The following EMG1 variants were observed in gnomAD, a reference collection of about 807,000 sequenced individuals.
EMG1 encodes EMG1 N1-specific pseudouridine methyltransferase.
In EMG1, 24 loss-of-function variants were observed where a neutral mutation model predicts 26.9. The observed-to-expected ratio is 0.89, with a 90% CI of 0.65 to 1.26. The LOEUF (loss-of-function observed/expected upper bound fraction) is 1.26, where lower values mean the gene tolerates loss of function less well. Ranked by LOEUF, EMG1 falls within the 50% of genes most tolerant of loss-of-function variation. The pLI, the probability that EMG1 is intolerant of heterozygous loss-of-function variation, is 0.00. For synonymous variants in EMG1, 140 were observed against 112.6 expected, an observed-to-expected ratio of 1.24 and a Z score of -1.54; for missense variants, 299 against 307.6, an observed-to-expected ratio of 0.97 and a Z score of 0.21.
Position 6,975,925 on chromosome 12 carries a change from G to A in EMG1, c.*116G>A. ...CACTGAGACTGTGGAGTTTGGGGAA[G>A]CCAAGGCTGTACATTTGCTATTTGT... On this transcript the variant is annotated 3_prime_UTR_variant, in exon 6 of 6. Transcript: ENST00000599672. 4.3e-6 allele frequency: 3 copies of A among 693,940 alleles called. No homozygotes were observed. The highest frequency in any genetic ancestry group is 4.0e-4 in the Middle Eastern group (1 of 2,480). 43.0% of individuals were successfully genotyped at this position (693,940 alleles called of 1,614,324 possible).
chr12:6,992,814 C>T (rs1437846050), downstream of EMG1, among the ~76,000 whole-genome samples: 1 of 152,158 alleles, frequency 6.6e-6, no homozygotes, highest in Non-Finnish European at 1.5e-5. Context: ...CTAGTACTCG[C>T]AGCAGACACC....
At chr12:6,975,208 T>C in intron 4 of EMG1, 21 bp from the exon 5 acceptor site, 4 of 1,613,950 alleles carry the variant, frequency 2.5e-6, no homozygotes, top group Non-Finnish European at 2.5e-6. Flanking sequence ...GGGGCTGACT[T>C]TTCTCTCTTT....
At chr12:6,992,129 G>C (rs1390740665), downstream of EMG1, among the ~76,000 whole-genome samples, 1 of 152,002 alleles carries the variant, frequency 6.6e-6, no homozygotes, top group Non-Finnish European at 1.5e-5. Context: ...TATTTAGCCT[G>C]GGCGACAGAG....
chr12:6,984,106 G>A, downstream of EMG1, among the ~76,000 whole-genome samples: 1 of 152,148 alleles, frequency 6.6e-6, no homozygotes, highest in East Asian at 1.9e-4. Flanking sequence ...TTAATATCAG[G>A]CTAAATACTG....
In EMG1 at chr12:6,976,034, G is replaced by T. The variant is rs1946396161; in HGVS notation, c.*225G>T. 1 of 461,206 alleles carries T rather than the reference G, an allele frequency of 2.2e-6. No individual in the cohort carries two copies. The highest frequency in any genetic ancestry group is 3.5e-5 in the East Asian group (1 of 28,440). The allele number at this position is 461,206 out of a possible 1,614,324, so 28.6% of individuals were successfully genotyped here. A position where few individuals can be genotyped will look rare whatever the true frequency, so the allele number is the denominator to read the frequency against. ...GTGGTGTAAAACTGTTTGTTCCCCGGGACTTCAGGGACAGATAGGAGGTTA... is the reference window on the plus strand; with the variant it reads ...GTGGTGTAAAACTGTTTGTTCCCCGTGACTTCAGGGACAGATAGGAGGTTA... On this transcript the variant is annotated 3_prime_UTR_variant, in exon 6 of 6. Transcript: ENST00000599672.
Position 6,977,830 on chromosome 12 carries a change from T to C in EMG1, c.*2021T>C. The C allele has an allele frequency of 6.5e-7, 1 of 1,535,930 alleles. No homozygotes were observed. Among genetic ancestry groups the C allele is most frequent in the East Asian group, 2.2e-5 (1 of 44,486 alleles). The stretch of plus-strand genomic sequence containing the variant: ...TGCCTCTGGGTCCTCACCCTGAGGA[T>C]TGGATTGGAGTGCTGGTGGGTTCCC... On this transcript the variant is annotated 3_prime_UTR_variant, in exon 6 of 6. Coordinates refer to ENST00000599672, the MANE Select transcript of EMG1 (RefSeq NM_006331.8). The surrounding 1 kb of genome is among the most constrained non-coding windows in gnomAD (Gnocchi z 4.5).
chr12:6,975,591 C>T (rs1392221929), intron 5 of EMG1, 105 bp from the exon 6 acceptor site: 3 of 991,942 alleles, frequency 3.0e-6, no homozygotes, highest in South Asian at 1.3e-5. Context: ...TGATATTCAA[C>T]AGCACAGCTG....
At chr12:6,974,080 G>A (rs781955563) in intron 1 of EMG1, among the ~76,000 whole-genome samples, 35 of 152,348 alleles carry the variant, frequency 2.3e-4, no homozygotes, top group African/African-American at 7.2e-4. Flanking sequence ...TGAAGTCACA[G>A]GTTGTGCCCT....
intron 7 of EMG1, among the ~76,000 whole-genome samples, chr12:6,993,780 A>T (rs782320478): frequency 5.9e-5 from 9 of 152,160 alleles, no homozygotes; most frequent in Admixed American, 2.0e-4. Context: ...TTTTTTTAAC[A>T]TTTAAAAATT....
At chr12:6,973,500 C>T (rs1347368158) in intron 1 of EMG1, among the ~76,000 whole-genome samples, 1 of 151,834 alleles carries the variant, frequency 6.6e-6, no homozygotes, top group Admixed American at 6.6e-5. Context: ...AATAACCCCT[C>T]TTCCTTTTAC....
Position 6,975,806 on chromosome 12 carries a change from T to C in EMG1, c.732T>C (p.Ile244=), listed in dbSNP as rs781824900. ...TTAFEEVWGV[I] is the part of the protein sequence containing the mutation. ...CCTTTGAGGAAGTATGGGGGGTCAT[T>C]TGACAGTAGTAGAACCTGTTCTGAA... Residue 244 remains isoleucine, a synonymous_variant, in exon 6 of 6, where the codon ATT becomes ATC. Transcript: ENST00000599672. 2.5e-6 allele frequency: 4 copies of C among 1,579,848 alleles called. No homozygotes were observed. In the African/African-American group the frequency reaches 5.4e-5, roughly 21 times the overall value.
downstream of EMG1, among the ~76,000 whole-genome samples, chr12:6,988,578 G>A (rs1408187308): frequency 7.2e-5 from 11 of 152,124 alleles, no homozygotes; most frequent in Admixed American, 2.6e-4. Context: ...GGTGGCTAGA[G>A]TTACCTGAAG....
downstream of EMG1, among the ~76,000 whole-genome samples, chr12:6,989,122 CAAA>C (rs782103069): frequency 7.5e-6 from 1 of 132,676 alleles, no homozygotes. Context: ...AACTCCATCT[CAAA>C]AAAAAAAAAA....
In EMG1 at chr12:6,978,526, G is replaced by C; in HGVS notation, c.*2717G>C. ...CTCCTTCCTGAGAGGGAATAGCTCA[G>C]TTAGGGCTCTTGCCACTCCCCATAC... On this transcript the variant is annotated 3_prime_UTR_variant, in exon 6 of 6. Coordinates refer to ENST00000599672, the MANE Select transcript of EMG1 (RefSeq NM_006331.8). The C allele has an allele frequency of 6.2e-7, 1 of 1,612,112 alleles. No individual in the cohort carries two copies. Among genetic ancestry groups the C allele is most frequent in the Non-Finnish European group, 8.5e-7 (1 of 1,178,462 alleles).
Position 6,978,369 on chromosome 12 carries a change from T to C in EMG1, c.*2560T>C. 6.2e-7 allele frequency: 1 copy of C among 1,612,702 alleles called. No homozygotes were observed. Among genetic ancestry groups the C allele is most frequent in the Non-Finnish European group, 8.5e-7 (1 of 1,179,378 alleles). On this transcript the variant is annotated 3_prime_UTR_variant, in exon 6 of 6. Transcript: ENST00000599672. Reference sequence around the variant, plus strand: ...GCCACCCAGGCGTTGGTGTTGATGTTGAATGAGGCAATGGTGCCAGTGAAG... The same window carrying C: ...GCCACCCAGGCGTTGGTGTTGATGTCGAATGAGGCAATGGTGCCAGTGAAG...
At chr12:6,993,061 AG>A (rs1181809298), downstream of EMG1, among the ~76,000 whole-genome samples, 1 of 152,156 alleles carries the variant, frequency 6.6e-6, no homozygotes, top group African/African-American at 2.4e-5. Flanking sequence ...GACTATACAC[AG>A]TTTCCTGGAT....
intron 3 of EMG1, 82 bp from the exon 4 acceptor site, chr12:6,975,008 C>T: frequency 2.2e-6 from 3 of 1,368,498 alleles, no homozygotes; most frequent in Non-Finnish European, 3.1e-6. Context: ...CTCATCTTAT[C>T]CATGGGGTTT....
At chr12:6,991,423 T>C (rs1214472088), downstream of EMG1, among the ~76,000 whole-genome samples, 1 of 152,246 alleles carries the variant, frequency 6.6e-6, no homozygotes, top group African/African-American at 2.4e-5. Flanking sequence ...CATAGATCAC[T>C]GCAAAATACT....
intron 6 of EMG1, among the ~76,000 whole-genome samples, chr12:6,985,119 C>T (rs1167703157): frequency 2.1e-5 from 3 of 141,080 alleles, no homozygotes; most frequent in East Asian, 2.1e-4. Context: ...AGGCTGGGCG[C>T]GGTGGCTCAT....
Sources: allele counts gnomAD v4.1 joint callset (sites outside exome capture counted in the v4.1 genomes callset), GRCh38; gene constraint gnomAD v4.1.1; non-coding constraint Gnocchi (gnomAD v3.1); transcripts MANE v1.5; gene names NCBI Gene and HGNC (gene_info 2026-07-23, HGNC 2026-07-21).